KCNH1: variants seen among roughly 807,000 people sequenced by gnomAD.
KCNH1 encodes voltage-gated delayed rectifier potassium channel KCNH1.
A neutral mutation model predicts 69.2 loss-of-function variants in KCNH1; 27 were observed. That is an observed-to-expected ratio of 0.39 (90% CI 0.29 to 0.54). KCNH1 has a LOEUF of 0.54. KCNH1 is among the 20% of genes least tolerant of loss of function. KCNH1 has a pLI of 0.68. For synonymous variants in KCNH1, 456 were observed against 487.7 expected (o/e 0.93, Z 0.86); for missense variants, 798 against 1,261.6 (o/e 0.63, Z 5.57).
At chr1:210,749,878 G>A (rs1425851393) in intron 10 of KCNH1, among the ~76,000 whole-genome samples, 1 of 151,980 alleles carries the variant, frequency 6.6e-6, no homozygotes, top group African/African-American at 2.4e-5. Flanking sequence ...GAGTAGCTGG[G>A]ACTACAGGCA....
intron 7 of KCNH1, among the ~76,000 whole-genome samples, chr1:210,894,140 G>T (rs913752924): frequency 6.6e-6 from 1 of 152,072 alleles, no homozygotes; most frequent in Non-Finnish European, 1.5e-5. Context: ...TTGAATGTCA[G>T]ACATTGTGAA....
intron 10 of KCNH1, among the ~76,000 whole-genome samples, chr1:210,765,981 T>G (rs1322599102): frequency 6.6e-6 from 1 of 151,976 alleles, no homozygotes; most frequent in Non-Finnish European, 1.5e-5. Flanking sequence ...GAGAATTGCT[T>G]GAACCCGGGA....
rs886552181 is a variant in KCNH1, at chr1:210,712,686, T to A, written c.2113-28548A>T. ...CTGCTGGTGTCACAGGTGGTTTGGC[T>A]CATACCTATTCAAGAGTTTCACCTT... On this transcript the variant is annotated intron_variant, in intron 10 of 10. Transcript: ENST00000271751. Among the ~76,000 whole-genome samples the A allele has an allele frequency of 2.0e-5, 3 of 152,212 alleles. No homozygotes were observed. The South Asian group carries it at 6.2e-4, about 32-fold the overall frequency.
At chr1:210,716,207 G>A (rs1281054174) in intron 10 of KCNH1, among the ~76,000 whole-genome samples, 5 of 152,082 alleles carry the variant, frequency 3.3e-5, no homozygotes, top group African/African-American at 1.2e-4. Context: ...GCTGAGGCGG[G>A]TGGATCACGA....
chr1:210,709,852 T>C (rs999735789), intron 10 of KCNH1, among the ~76,000 whole-genome samples: 4 of 152,194 alleles, frequency 2.6e-5, no homozygotes, highest in Non-Finnish European at 4.4e-5. Context: ...GGAGATACTA[T>C]TCGTCTGTAC....
chr1:211,006,249 A>T (rs1689281628), intron 6 of KCNH1, among the ~76,000 whole-genome samples: 3 of 152,212 alleles, frequency 2.0e-5, no homozygotes, highest in Admixed American at 2.0e-4. Context: ...TCTTTCTAAC[A>T]GAAATCAGGG....
At chr1:211,030,987 A>C (rs949432722) in intron 5 of KCNH1, among the ~76,000 whole-genome samples, 1 of 152,198 alleles carries the variant, frequency 6.6e-6, no homozygotes, top group Non-Finnish European at 1.5e-5. Context: ...ACATGAAAAA[A>C]ATGTTCAACT....
intron 7 of KCNH1, among the ~76,000 whole-genome samples, chr1:210,893,002 C>T (rs1354637506): frequency 6.6e-6 from 1 of 152,084 alleles, no homozygotes; most frequent in African/African-American, 2.4e-5. Context: ...TGATTCCATT[C>T]TAAGGGGTCG....
chr1:211,058,720 A>G (rs1690362740), intron 5 of KCNH1, among the ~76,000 whole-genome samples: 1 of 152,202 alleles, frequency 6.6e-6, no homozygotes. Context: ...ACAAAATGGC[A>G]GAAGTCCTTA....
chr1:210,794,459 G>A (rs1330542053), intron 9 of KCNH1, among the ~76,000 whole-genome samples: 1 of 152,150 alleles, frequency 6.6e-6, no homozygotes, highest in Non-Finnish European at 1.5e-5. Flanking sequence ...AGAATGCCTG[G>A]GAGGGCCCCA....
At position 210,990,820 on chromosome 1, in the gene KCNH1, T is replaced by A. The variant is rs549183899; in HGVS notation, c.1032+27963A>T. Among the ~76,000 whole-genome samples the A allele has an allele frequency of 7.9e-5, 12 of 152,288 alleles. No homozygotes were observed. The South Asian group carries it at 2.5e-3, about 32-fold the overall frequency. On this transcript the variant is annotated intron_variant, in intron 6 of 10. Coordinates refer to ENST00000271751, the MANE Select transcript of KCNH1 (RefSeq NM_172362.3). ...AAGATTAGTATTTCATCCATTTTGA[T>A]TATAAGAATCAAAATGAAATTGCAT...
At chr1:210,912,046 C>T (rs1345599039) in intron 7 of KCNH1, among the ~76,000 whole-genome samples, 1 of 152,124 alleles carries the variant, frequency 6.6e-6, no homozygotes, top group African/African-American at 2.4e-5. Flanking sequence ...GAAGTCAAAA[C>T]CCAGTCCAGC....
At chr1:210,938,233 G>A (rs774899725) in intron 6 of KCNH1, among the ~76,000 whole-genome samples, 36 of 152,156 alleles carry the variant, frequency 2.4e-4, no homozygotes, top group Non-Finnish European at 7.4e-5. Flanking sequence ...GCAATGTTAA[G>A]CATATTGGTA....
At chr1:211,024,930 C>T (rs1689658559) in intron 5 of KCNH1, among the ~76,000 whole-genome samples, 1 of 152,114 alleles carries the variant, frequency 6.6e-6, no homozygotes, top group East Asian at 1.9e-4. Flanking sequence ...AAGGTCCTAC[C>T]TAGCAAGAGA....
Position 210,736,540 on chromosome 1 carries a change from T to TC in KCNH1, c.2112+38807dup, listed in dbSNP as rs199890336. Among the ~76,000 whole-genome samples, 709 of 149,622 alleles carry TC rather than the reference T, an allele frequency of 4.7e-3. 2 individuals are homozygous for TC. The highest frequency in any genetic ancestry group is 0.013 in the African/African-American group (535 of 40,930). On this transcript the variant is annotated intron_variant, in intron 10 of 10. Coordinates refer to ENST00000271751, the MANE Select transcript of KCNH1 (RefSeq NM_172362.3). ...CCTGGGCAACAAGAGTGAAACTCCA[T>TC]CCCCCCTCCAAAAAAAAATTACCCA...
chr1:210,800,100 C>G (rs543806600), intron 8 of KCNH1, among the ~76,000 whole-genome samples: 9 of 152,374 alleles, frequency 5.9e-5, no homozygotes, highest in African/African-American at 2.2e-4. Context: ...TGCCCTTGCT[C>G]TGTGTGCTTC....
chr1:210,951,616 G>A (rs557958771), intron 6 of KCNH1, among the ~76,000 whole-genome samples: 1 of 152,180 alleles, frequency 6.6e-6, no homozygotes, highest in South Asian at 2.1e-4. Flanking sequence ...CTTTCCTCAG[G>A]CATAGAAAAA....
At chr1:210,795,893 C>T (rs1005223104) in intron 9 of KCNH1, among the ~76,000 whole-genome samples, 15 of 151,526 alleles carry the variant, frequency 9.9e-5, no homozygotes, top group South Asian at 8.3e-4. Flanking sequence ...GAGGCCAAGG[C>T]GGGCAGATCA....
intron 6 of KCNH1, among the ~76,000 whole-genome samples, chr1:210,996,378 G>C (rs530990099): frequency 6.6e-6 from 1 of 152,148 alleles, no homozygotes; most frequent in Middle Eastern, 3.2e-3. Context: ...ATGGAGTCTC[G>C]CTCATTGCTA....
Sources: gnomAD v4.1 joint callset for allele counts (sites outside exome capture counted in the v4.1 genomes callset) on GRCh38, gnomAD v4.1.1 for gene constraint, MANE v1.5 for transcripts, NCBI Gene and HGNC (gene_info 2026-07-23, HGNC 2026-07-21) for gene names.